Variants in MRPL10 observed in about 807,000 individuals in gnomAD.
MRPL10 encodes the protein large ribosomal subunit protein uL10m.
MRPL10 carries 14 observed loss-of-function variants against 19.8 expected under a neutral mutation model. That is an observed-to-expected ratio of 0.71 (90% CI 0.47 to 1.11). The LOEUF is 1.11. Ranked by LOEUF, MRPL10 falls within the 50% of genes least tolerant of loss-of-function variation. MRPL10 has a pLI of 0.00. For missense variants in MRPL10, 318 were observed against 339.6 expected (o/e 0.94, Z 0.50); for synonymous variants, 129 against 139.2 (o/e 0.93, Z 0.52).
rs779210010 is a variant in MRPL10 at position 47,826,594 on chromosome 17, C to T, written c.532+43G>A. 4 of 1,607,862 alleles carry T rather than the reference C, an allele frequency of 2.5e-6. No homozygotes were observed. The African/African-American group carries it at 4.0e-5, about 16-fold the overall frequency. ...GACAAGCCTAGCAGATGGCAGCAGG[C>T]CCCTCTTCACCCCACCCCTAACTGG... On this transcript the variant is annotated intron_variant, in intron 4 of 4. Coordinates refer to ENST00000351111, the MANE Select transcript of MRPL10 (RefSeq NM_145255.4).
intron 4 of MRPL10, 124 bp from the exon 5 acceptor site, chr17:47,824,582 G>T: frequency 8.4e-7 from 1 of 1,186,630 alleles, no homozygotes; most frequent in Non-Finnish European, 1.1e-6. Context: ...CCAGGACCTG[G>T]GTTCCACTGT....
intron 4 of MRPL10, among the ~76,000 whole-genome samples, chr17:47,824,686 T>C (rs2143583324): frequency 6.6e-6 from 1 of 152,258 alleles, no homozygotes; most frequent in East Asian, 1.9e-4. Flanking sequence ...CCCTGACCCC[T>C]ATTAAGTCAG....
intron 1 of MRPL10, chr17:47,831,250 G>T: frequency 1.5e-6 from 2 of 1,348,692 alleles, no homozygotes; most frequent in Non-Finnish European, 2.0e-6. Context: ...TGGGCGAGGA[G>T]TGGTCCAGGC....
At chr17:47,825,498 G>A (rs1438465678) in intron 4 of MRPL10, among the ~76,000 whole-genome samples, 12 of 152,068 alleles carry the variant, frequency 7.9e-5, no homozygotes, top group Admixed American at 4.6e-4. Context: ...GGTGGCATGC[G>A]CCTGTAGTCC....
chr17:47,823,462 GAA>G lies in MRPL10; in HGVS notation c.*741_*742del, dbSNP rs34919891. 41,213 of 152,040 alleles carry G rather than the reference GAA, an allele frequency of 0.27. 6,917 individuals carry two copies. The highest frequency in any genetic ancestry group is 0.38 in the Non-Finnish European group (25,744 of 67,942). The allele number at this position is 152,040 out of a possible 1,614,324, so 9.4% of individuals were successfully genotyped here. On this transcript the variant is annotated 3_prime_UTR_variant, in exon 5 of 5. Coordinates refer to ENST00000351111, the MANE Select transcript of MRPL10 (RefSeq NM_145255.4). Reference sequence around the variant, plus strand: ...TGTAAACCACAAAATAAAGGAAGTAGAATATATTTCATTTTATTATAAAGCAG... The same window carrying G: ...TGTAAACCACAAAATAAAGGAAGTAGTATATTTCATTTTATTATAAAGCAG...
Position 47,827,186 on chromosome 17 carries a change from G to C in MRPL10, c.241C>G (p.Leu81Val). ...PPQEEIGLIR[L>V]LRREIAAVFQ... The stretch of plus-strand genomic sequence containing the variant: ...ACTGCTGCTATCTCCCGGCGGAGAA[G>C]CCTGATGAGGCCTATCTCCTGAAGT... Residue 81 changes from leucine (L) to valine (V), a missense_variant, in exon 3 of 5, where the codon CTT becomes GTT. Transcript: ENST00000351111. 6.2e-7 allele frequency: 1 copy of C among 1,610,130 alleles called. No homozygotes were observed. The highest frequency in any genetic ancestry group is 8.5e-7 in the Non-Finnish European group (1 of 1,177,986).
chr17:47,830,751 C>T (rs916523745), intron 1 of MRPL10, among the ~76,000 whole-genome samples: 1 of 152,164 alleles, frequency 6.6e-6, no homozygotes, highest in Admixed American at 6.5e-5. Context: ...GGTGTTCCCT[C>T]CGCCTCAGCC....
At chr17:47,831,297 GTT>G (rs1237487198) in intron 1 of MRPL10, 161 bp downstream of exon 1, 2 of 1,526,338 alleles carry the variant, frequency 1.3e-6, no homozygotes, top group Non-Finnish European at 1.8e-6. Context: ...TCTGGACGTT[GTT>G]GCTGTGATTA....
At position 47,827,361 on chromosome 17, in the gene MRPL10, T is replaced by C. The variant is rs1246199040; in HGVS notation, c.223-157A>G. On this transcript the variant is annotated intron_variant, in intron 2 of 4. Coordinates refer to ENST00000351111, the MANE Select transcript of MRPL10 (RefSeq NM_145255.4). ...ACTGGGCCTCTGACTCTCAGAGACA[T>C]GTAACATCTCCCACTACTCTAACCT... 2.0e-5 allele frequency among the ~76,000 whole-genome samples: 3 copies of C among 152,144 alleles called. No individual in the cohort carries two copies. The East Asian group carries it at 5.8e-4, about 29-fold the overall frequency.
At chr17:47,826,512 A>T in intron 4 of MRPL10, 125 bp downstream of exon 4, 1 of 1,211,764 alleles carries the variant, frequency 8.3e-7, no homozygotes, top group Non-Finnish European at 1.2e-6. Flanking sequence ...TGTGCTGTTT[A>T]CTCAGGCTCC....
Position 47,831,537 on chromosome 17 carries a change from C to A in MRPL10, c.-26G>T. The A allele has an allele frequency of 6.5e-7, 1 of 1,546,372 alleles. No homozygotes were observed. On this transcript the variant is annotated 5_prime_UTR_variant, in exon 1 of 5. Transcript: ENST00000351111. ...CTCCACCGGAAGAATGGACGGAAGC[C>A]GAGTGGAGACGGAAAGAGCTAAGGA...
rs1434677756 is a variant in MRPL10 at position 47,823,603 on chromosome 17, A to G, written c.*602T>C. On this transcript the variant is annotated 3_prime_UTR_variant, in exon 5 of 5. Transcript: ENST00000351111. ...TAACCTGATGAGGAAGCTCTAGTGA[A>G]GAAATTCAGGACGCGGTCTTCAGAG... 6.5e-6 allele frequency: 1 copy of G among 154,504 alleles called. No individual in the cohort carries two copies. The highest frequency in any genetic ancestry group is 1.9e-4 in the East Asian group (1 of 5,212). The allele number at this position is 154,504 out of a possible 1,614,324, so 9.6% of individuals were successfully genotyped here.
In MRPL10 at chr17:47,824,402, G is replaced by C. The variant is rs1218316299; in HGVS notation, c.589C>G (p.Leu197Val). Reference protein sequence around the residue: ...SRQGFINYSKLPSLPLVQGEL... With the variant: ...SRQGFINYSKVPSLPLVQGEL... ...CCCTGCACCAGGGGCAGGCTGGGGA[G>C]CTTGGAGTAGTTGATAAAGCCCTGC... is the stretch of plus-strand genomic sequence containing the variant. The change falls in exon 5 of 5, where the codon CTC becomes GTC. Residue 197 changes from leucine to valine, a missense_variant. Transcript: ENST00000351111. The C allele has an allele frequency of 6.3e-7, 1 of 1,593,538 alleles. No individual in the cohort carries two copies. The highest frequency in any genetic ancestry group is 1.3e-5 in the African/African-American group (1 of 74,282).
chr17:47,829,530 C>T (rs914288758), intron 1 of MRPL10: 2 of 152,238 alleles, frequency 1.3e-5, no homozygotes, highest in African/African-American at 4.8e-5. Flanking sequence ...CTGGTCTAAT[C>T]TAGTGGCTCT....
chr17:47,828,375 GCAGT>G (rs1415941661), intron 2 of MRPL10, 122 bp downstream of exon 2: 1 of 631,426 alleles, frequency 1.6e-6, no homozygotes, highest in Non-Finnish European at 2.5e-6. Flanking sequence ...TCTGGATCAG[GCAGT>G]CAAACTGAAA....
Position 47,824,162 on chromosome 17 carries a change from A to AACGC in MRPL10, c.*39_*42dup. ...TCCCATTGAGGAGAGCACAGCCAATAACGCAGAGTGTATTTATGCGCAGGG... is the reference window on the plus strand; with the variant it reads ...TCCCATTGAGGAGAGCACAGCCAATAACGCACGCAGAGTGTATTTATGCGCAGGG... On this transcript the variant is annotated 3_prime_UTR_variant, in exon 5 of 5. Transcript: ENST00000351111. 6.2e-7 allele frequency: 1 copy of AACGC among 1,612,978 alleles called. No homozygotes were observed.
At position 47,828,489 on chromosome 17, in the gene MRPL10, A is replaced by G. The variant is rs558295366; in HGVS notation, c.222+12T>C. 3 of 1,405,968 alleles carry G rather than the reference A, an allele frequency of 2.1e-6. No homozygotes were observed. In the South Asian group the frequency reaches 5.3e-5, roughly 25 times the overall value. 87.1% of individuals were successfully genotyped at this position (1,405,968 alleles called of 1,614,324 possible). ...CCACCACCAAGTGACATGTACCCAA[A>G]TTCCTCCTTACCTCCTGTGGGGGGC... is the stretch of plus-strand genomic sequence containing the variant. On this transcript the variant is annotated intron_variant, in intron 2 of 4. Coordinates refer to ENST00000351111, the MANE Select transcript of MRPL10 (RefSeq NM_145255.4).
At chr17:47,824,608 C>T (rs2033500044) in intron 4 of MRPL10, 150 bp from the exon 5 acceptor site, 1 of 844,020 alleles carries the variant, frequency 1.2e-6, no homozygotes, top group Non-Finnish European at 1.7e-6. Context: ...ACACCACACC[C>T]ACTCTGCTTG....
chr17:47,828,261 T>G, intron 2 of MRPL10: 1 of 368,266 alleles, frequency 2.7e-6, no homozygotes, highest in Non-Finnish European at 4.8e-6. Context: ...CTAGGGTAGC[T>G]CTCACACACA....
Sources: gnomAD v4.1 joint callset for allele counts (sites outside exome capture counted in the v4.1 genomes callset) on GRCh38, gnomAD v4.1.1 for gene constraint, MANE v1.5 for transcripts, NCBI Gene and HGNC (gene_info 2026-07-23, HGNC 2026-07-21) for gene names.